Variants in PRIM2 observed in about 807,000 individuals in gnomAD.
PRIM2 encodes DNA primase subunit 2.
A neutral mutation model predicts 67.3 loss-of-function variants in PRIM2; 39 were observed. The observed-to-expected ratio is 0.58, with a 90% CI of 0.45 to 0.76. The LOEUF is 0.76. Ranked by LOEUF, PRIM2 falls within the 30% of genes least tolerant of loss-of-function variation. The pLI is 0.00. For missense variants in PRIM2, 398 were observed against 598.7 expected, an observed-to-expected ratio of 0.66 and a Z score of 3.50; for synonymous variants, 143 against 198.7, an observed-to-expected ratio of 0.72 and a Z score of 2.36.
chr6:57,263,543 A>G, the PRIM2 span, among the ~76,000 whole-genome samples: 2 of 137,836 alleles, frequency 1.5e-5, no homozygotes, highest in South Asian at 4.3e-4. Context: ...CATCAGTCAC[A>G]GTGGATTGAG....
intron 10 of PRIM2, among the ~76,000 whole-genome samples, chr6:57,579,653 G>T (rs1330322050): frequency 2.0e-5 from 3 of 152,124 alleles, no homozygotes; most frequent in Non-Finnish European, 2.9e-5. Context: ...TTTTGTAAAG[G>T]TTGATTAATT....
Position 57,317,656 on chromosome 6 carries a change from C to T in PRIM2, c.-55C>T, listed in dbSNP as rs917478952. ...TATGAACTCTCCCGCCACCCGGGAA[C>T]AGTGGCTGCCACCGTTTGTGTTTTC... On this transcript the variant is annotated 5_prime_UTR_variant, in exon 1 of 14. An upstream open reading frame in the 5' UTR gains an earlier in-frame stop. Coordinates refer to ENST00000615550, the MANE Select transcript of PRIM2 (RefSeq NM_000947.5). 1 of 152,748 alleles carries T rather than the reference C, an allele frequency of 6.5e-6. No homozygotes were observed. Among genetic ancestry groups the T allele is most frequent in the Non-Finnish European group, 1.5e-5 (1 of 68,132 alleles). 9.5% of individuals were successfully genotyped at this position (152,748 alleles called of 1,614,324 possible). A position where few individuals can be genotyped will look rare whatever the true frequency, so the allele number is the denominator to read the frequency against.
the PRIM2 span, among the ~76,000 whole-genome samples, chr6:57,234,699 A>ATT: frequency 6.6e-6 from 1 of 151,556 alleles, no homozygotes; most frequent in Non-Finnish European, 1.5e-5. Flanking sequence ...AATTTTTTGT[A>ATT]TTTTTAGTAG....
intron 7 of PRIM2, among the ~76,000 whole-genome samples, chr6:57,455,829 A>T (rs1289280617): frequency 6.6e-6 from 1 of 152,180 alleles, no homozygotes; most frequent in Non-Finnish European, 1.5e-5. Context: ...TCCTGCCATT[A>T]TGATGTTAGC....
chr6:57,474,758 T>C (rs1183737280), intron 7 of PRIM2, among the ~76,000 whole-genome samples: 1 of 152,132 alleles, frequency 6.6e-6, no homozygotes, highest in Non-Finnish European at 1.5e-5. Context: ...TTATGATCCC[T>C]ATTTAATAGG....
chr6:57,291,156 G>T, the PRIM2 span, among the ~76,000 whole-genome samples: 1 of 152,092 alleles, frequency 6.6e-6, no homozygotes, highest in Non-Finnish European at 1.5e-5. Context: ...AATAAAAAAT[G>T]ATAAAGGGGT....
intron 5 of PRIM2, among the ~76,000 whole-genome samples, chr6:57,330,431 T>G (rs1359881897): frequency 1.4e-5 from 2 of 139,474 alleles, no homozygotes; most frequent in African/African-American, 2.7e-5. Context: ...GAGGCTGGAG[T>G]GCAAGCTCCA....
chr6:57,283,531 C>T, the PRIM2 span, among the ~76,000 whole-genome samples: 2 of 151,982 alleles, frequency 1.3e-5, no homozygotes, highest in Non-Finnish European at 2.9e-5. Context: ...ATTAATATAG[C>T]GTTAAGTTAG....
intron 7 of PRIM2, among the ~76,000 whole-genome samples, chr6:57,445,460 A>G (rs1772334364): frequency 6.6e-6 from 1 of 152,198 alleles, no homozygotes; most frequent in African/African-American, 2.4e-5. Flanking sequence ...ACAATCAAAA[A>G]TAATTTTCTG....
chr6:57,447,222 G>C (rs1772396751), intron 7 of PRIM2, among the ~76,000 whole-genome samples: 1 of 152,210 alleles, frequency 6.6e-6, no homozygotes, highest in Admixed American at 6.5e-5. Flanking sequence ...TCTGGAGACT[G>C]ACATATGATA....
At chr6:57,306,208 C>A in the PRIM2 span, among the ~76,000 whole-genome samples, 1 of 152,094 alleles carries the variant, frequency 6.6e-6, no homozygotes, top group Non-Finnish European at 1.5e-5. Flanking sequence ...TGGATTAAAC[C>A]CCATATGGTT....
intron 10 of PRIM2, among the ~76,000 whole-genome samples, chr6:57,551,853 A>G (rs1399111672): frequency 6.6e-6 from 1 of 152,190 alleles, no homozygotes; most frequent in Non-Finnish European, 1.5e-5. Flanking sequence ...TGGAAGGCTT[A>G]AACAAAAACA....
At chr6:57,582,769 T>C (rs2127485491) in intron 10 of PRIM2, among the ~76,000 whole-genome samples, 1 of 127,502 alleles carries the variant, frequency 7.8e-6, no homozygotes, top group Non-Finnish European at 1.6e-5. Flanking sequence ...TATAATTTTA[T>C]AATATTTTCT....
intron 10 of PRIM2, among the ~76,000 whole-genome samples, chr6:57,582,919 C>T (rs1198952055): frequency 4.3e-5 from 6 of 138,260 alleles, no homozygotes; most frequent in Non-Finnish European, 6.3e-5. Context: ...GTATATCTCC[C>T]AATGCTATCC....
intron 1 of PRIM2, among the ~76,000 whole-genome samples, 159 bp downstream of exon 1, chr6:57,317,860 G>C (rs911242405): frequency 1.3e-5 from 2 of 152,178 alleles, no homozygotes; most frequent in African/African-American, 4.8e-5. Flanking sequence ...TACCAGGGAG[G>C]AGTTGGGGAG....
chr6:57,605,955 GT>G, intron 11 of PRIM2, among the ~76,000 whole-genome samples: 1 of 151,980 alleles, frequency 6.6e-6, no homozygotes, highest in East Asian at 1.9e-4. Context: ...GAGTTTGCAT[GT>G]TTTTCATTTT....
chr6:57,522,104 C>T (rs1255005393), intron 8 of PRIM2, among the ~76,000 whole-genome samples: 2 of 151,840 alleles, frequency 1.3e-5, no homozygotes, highest in Non-Finnish European at 2.9e-5. Flanking sequence ...AATCAGAATT[C>T]AAGATTGCTT....
intron 7 of PRIM2, among the ~76,000 whole-genome samples, chr6:57,499,178 A>G (rs1554346616): frequency 7.2e-4 from 110 of 152,364 alleles, no homozygotes; most frequent in African/African-American, 2.5e-3. Context: ...CTTAAAATCA[A>G]TGTTACACAA....
At chr6:57,483,200 G>T (rs1312330805) in intron 7 of PRIM2, among the ~76,000 whole-genome samples, 1 of 152,084 alleles carries the variant, frequency 6.6e-6, no homozygotes, top group Non-Finnish European at 1.5e-5. Flanking sequence ...GAGCCACTGC[G>T]CCCGGATGAT....
Sources: gnomAD v4.1 joint callset for allele counts (sites outside exome capture counted in the v4.1 genomes callset) on GRCh38, gnomAD v4.1.1 for gene constraint, MANE v1.5 for transcripts, NCBI Gene and HGNC (gene_info 2026-07-23, HGNC 2026-07-21) for gene names.